The following FAM193A variants were observed in gnomAD, a reference collection of about 807,000 sequenced individuals.
FAM193A encodes family with sequence similarity 193 member A.
Under a neutral mutation model 126.5 loss-of-function variants are expected in FAM193A, and 22 were observed. That is an observed-to-expected ratio of 0.17 (90% CI 0.12 to 0.25). The LOEUF is 0.25. FAM193A is among the 10% of genes least tolerant of loss of function. The pLI, the probability that FAM193A is intolerant of heterozygous loss-of-function variation, is 1.00. For synonymous variants in FAM193A, 761 were observed against 646.8 expected (o/e 1.18, Z -2.68); for missense variants, 1,675 against 1,672.8 (o/e 1.00, Z -0.02).
chr4:2,666,258 T>G (rs145260262), intron 12 of FAM193A, among the ~76,000 whole-genome samples: 98 of 152,350 alleles, frequency 6.4e-4, no homozygotes, highest in African/African-American at 2.2e-3. Flanking sequence ...CTTTTCTGCA[T>G]GTGTTGCGAT....
rs142954296 is a variant in FAM193A, at chr4:2,595,738, T to G, written c.256-346T>G. On this transcript the variant is annotated intron_variant, in intron 1 of 20. Transcript: ENST00000637812. ...CCCTGGTGTGCAGATGCCTCTAGAA[T>G]AGTAGTTTCAGACTTCGTTGGTGGT... Among the ~76,000 whole-genome samples, 13 of 152,306 alleles carry G rather than the reference T, an allele frequency of 8.5e-5. No homozygotes were observed. In the East Asian group the frequency reaches 1.9e-3, roughly 23 times the overall value.
chr4:2,622,188 C>T (rs1227250428), intron 2 of FAM193A, among the ~76,000 whole-genome samples: 2 of 123,304 alleles, frequency 1.6e-5, no homozygotes, highest in Non-Finnish European at 3.2e-5. Context: ...GCCTGGGAGG[C>T]GGAGGTTGCA....
intron 13 of FAM193A, among the ~76,000 whole-genome samples, chr4:2,673,131 A>G (rs1714010365): frequency 6.6e-6 from 1 of 152,188 alleles, no homozygotes; most frequent in Admixed American, 6.5e-5. Context: ...TAACTTTACC[A>G]GAATGACTCA....
At chr4:2,656,007 A>G (rs1711635775) in intron 7 of FAM193A, among the ~76,000 whole-genome samples, 1 of 152,088 alleles carries the variant, frequency 6.6e-6, no homozygotes, top group African/African-American at 2.4e-5. Flanking sequence ...GACTGTTCTC[A>G]AATTCCTGGC....
chr4:2,616,421 CCTT>C (rs1742191021), intron 2 of FAM193A, among the ~76,000 whole-genome samples: 1 of 151,952 alleles, frequency 6.6e-6, no homozygotes, highest in African/African-American at 2.4e-5. Context: ...TCTAGTCTGA[CCTT>C]CTCTGCTAAT....
At chr4:2,612,503 CAACA>C (rs891270280) in intron 2 of FAM193A, among the ~76,000 whole-genome samples, 3 of 151,908 alleles carry the variant, frequency 2.0e-5, no homozygotes, top group African/African-American at 7.3e-5. Context: ...CATCTCAAAA[CAACA>C]AACAAACAAA....
At chr4:2,584,939 AAAAC>A (rs1009575992) in intron 1 of FAM193A, among the ~76,000 whole-genome samples, 67 of 152,260 alleles carry the variant, frequency 4.4e-4, no homozygotes, top group African/African-American at 1.4e-3. Context: ...AAGGAAAAAA[AAAAC>A]AAACCAAAAC....
intron 1 of FAM193A, among the ~76,000 whole-genome samples, chr4:2,539,096 G>A (rs898156665): frequency 2.6e-5 from 4 of 151,510 alleles, no homozygotes; most frequent in African/African-American, 9.7e-5. Context: ...GATTCACTAT[G>A]TTGGGCAGGC....
intron 6 of FAM193A, among the ~76,000 whole-genome samples, chr4:2,646,314 T>TA (rs1416205732): frequency 6.6e-6 from 1 of 151,718 alleles, no homozygotes; most frequent in African/African-American, 2.4e-5. Context: ...GGGCTATGAG[T>TA]GCCTGCCACC....
intron 1 of FAM193A, among the ~76,000 whole-genome samples, chr4:2,571,205 C>A (rs1739274853): frequency 6.6e-6 from 1 of 152,148 alleles, no homozygotes; most frequent in South Asian, 2.1e-4. Context: ...CGTAAGTGGA[C>A]CAAATTATGT....
intron 20 of FAM193A, among the ~76,000 whole-genome samples, chr4:2,730,334 A>G (rs1031746230): frequency 6.6e-6 from 1 of 152,220 alleles, no homozygotes; most frequent in Non-Finnish European, 1.5e-5. Flanking sequence ...AGTTGACTTA[A>G]TTAGAAGCTG....
intron 18 of FAM193A, among the ~76,000 whole-genome samples, chr4:2,699,229 A>T (rs1024692176): frequency 3.9e-5 from 6 of 152,112 alleles, no homozygotes; most frequent in African/African-American, 1.2e-4. Flanking sequence ...GTTTGCTCAG[A>T]GTTCTGGCGG....
chr4:2,617,341 C>G (rs186074366), intron 2 of FAM193A, among the ~76,000 whole-genome samples: 1 of 125,378 alleles, frequency 8.0e-6, no homozygotes, highest in African/African-American at 3.2e-5. Context: ...TCTCAGCTCA[C>G]TGCAACCTCT....
At position 2,613,378 on chromosome 4, in the gene FAM193A, C is replaced by CTT. The variant is rs552205895; in HGVS notation, c.502-11868_502-11867dup. 6.6e-3 allele frequency among the ~76,000 whole-genome samples: 798 copies of CTT among 120,706 alleles called. 4 individuals carry two copies. The highest frequency in any genetic ancestry group is 0.011 in the South Asian group (42 of 3,746). The allele number at this position is 120,706 out of a possible 152,430, so 79.2% of individuals were successfully genotyped here. A position where few individuals can be genotyped will look rare whatever the true frequency, so the allele number is the denominator to read the frequency against. Reference sequence around the variant, plus strand: ...TTATTGCTAGTACATAGAAATTCAGCTTTTTTTTTTTTTTTTTGGATATTG... The same window carrying CTT: ...TTATTGCTAGTACATAGAAATTCAGCTTTTTTTTTTTTTTTTTTTGGATATTG... On this transcript the variant is annotated intron_variant, in intron 2 of 20. Coordinates refer to ENST00000637812, the MANE Select transcript of FAM193A (RefSeq NM_001366318.2).
intron 20 of FAM193A, among the ~76,000 whole-genome samples, chr4:2,726,778 C>CAAAAAAAA (rs71589604): frequency 1.3e-4 from 6 of 44,964 alleles, no homozygotes; most frequent in African/African-American, 1.7e-4. Flanking sequence ...CTAAAAATAC[C>CAAAAAAAA]AAAAAAAAAA....
chr4:2,714,836 C>T (rs1719367443), intron 19 of FAM193A, among the ~76,000 whole-genome samples: 1 of 152,124 alleles, frequency 6.6e-6, no homozygotes, highest in Non-Finnish European at 1.5e-5. Flanking sequence ...TCACCTTTAA[C>T]AAAGAAATGT....
rs529737348 is a variant in FAM193A at position 2,611,510 on chromosome 4, G to A, written c.502-13752G>A. Among the ~76,000 whole-genome samples the A allele has an allele frequency of 1.0e-3, 152 of 152,110 alleles. 4 individuals carry two copies. In the South Asian group the frequency reaches 0.031, roughly 31 times the overall value. ...TCTGGTCTTGAACTCCCGACCTCAG[G>A]TGATCCACCCGCCTCAGCCTACCAA... On this transcript the variant is annotated intron_variant, in intron 2 of 20. Transcript: ENST00000637812.
chr4:2,665,591 C>G (rs911428148), intron 12 of FAM193A, among the ~76,000 whole-genome samples: 3 of 152,174 alleles, frequency 2.0e-5, no homozygotes, highest in Admixed American at 6.5e-5. Context: ...TCACTGCAGC[C>G]TCAAACAGCT....
At chr4:2,595,198 A>C (rs893094179) in intron 1 of FAM193A, among the ~76,000 whole-genome samples, 2 of 151,826 alleles carry the variant, frequency 1.3e-5, no homozygotes, top group African/African-American at 2.4e-5. Flanking sequence ...ACAGGCACGC[A>C]CCACTATGCC....
Sources: allele counts gnomAD v4.1 joint callset (sites outside exome capture counted in the v4.1 genomes callset), GRCh38; gene constraint gnomAD v4.1.1; transcripts MANE v1.5; gene names NCBI Gene and HGNC (gene_info 2026-07-23, HGNC 2026-07-21).